The following ROBO2 variants were observed in gnomAD, a reference collection of about 807,000 sequenced individuals.
ROBO2 encodes the protein roundabout guidance receptor 2.
ROBO2 carries 53 observed loss-of-function variants against 160.8 expected under a neutral mutation model. That is an observed-to-expected ratio of 0.33 (90% CI 0.26 to 0.41). ROBO2 has a LOEUF of 0.41. Ranked by LOEUF, ROBO2 falls within the 10% of genes least tolerant of loss-of-function variation. The pLI, the probability that ROBO2 is intolerant of heterozygous loss-of-function variation, is 1.00. For missense variants in ROBO2, 1,577 were observed against 1,722.4 expected, an observed-to-expected ratio of 0.92 and a Z score of 1.49; for synonymous variants, 664 against 611.7, an observed-to-expected ratio of 1.09 and a Z score of -1.26.
At chr3:77,277,172 C>A (rs926171204) in intron 2 of ROBO2, among the ~76,000 whole-genome samples, 4 of 96,790 alleles carry the variant, frequency 4.1e-5, no homozygotes, top group Non-Finnish European at 8.2e-5. Flanking sequence ...TTCTTTCTTT[C>A]TTTCTTTCTT....
intron 2 of ROBO2, among the ~76,000 whole-genome samples, chr3:77,387,675 A>G (rs1431823250): frequency 3.9e-5 from 6 of 152,170 alleles, no homozygotes; most frequent in Non-Finnish European, 8.8e-5. Flanking sequence ...GAGTCGTACA[A>G]GAATCCGCCT....
intron 2 of ROBO2, among the ~76,000 whole-genome samples, chr3:77,274,280 A>T (rs2059685721): frequency 6.6e-6 from 1 of 152,164 alleles, no homozygotes; most frequent in African/African-American, 2.4e-5. Flanking sequence ...ATTGTCTAAG[A>T]AGCACTAAAG....
chr3:77,148,587 CAATA>C (rs1054403472), intron 2 of ROBO2, among the ~76,000 whole-genome samples: 1 of 152,154 alleles, frequency 6.6e-6, no homozygotes, highest in African/African-American at 2.4e-5. Context: ...ATCAATACAG[CAATA>C]AATGAGGACA....
chr3:75,911,424 T>G (rs1946575245), intron 1 of ROBO2, among the ~76,000 whole-genome samples: 1 of 152,290 alleles, frequency 6.6e-6, no homozygotes, highest in South Asian at 2.1e-4. Context: ...TTGTTAATGA[T>G]TTGCTTCTTA....
At chr3:77,044,250 C>T (rs148155709) in intron 1 of ROBO2, among the ~76,000 whole-genome samples, 6 of 151,786 alleles carry the variant, frequency 4.0e-5, no homozygotes, top group South Asian at 4.2e-4. Context: ...GCATGTTTGA[C>T]GATAAAAATA....
intron 2 of ROBO2, among the ~76,000 whole-genome samples, chr3:76,875,029 G>T (rs535318154): frequency 6.6e-6 from 1 of 152,162 alleles, no homozygotes; most frequent in Non-Finnish European, 1.5e-5. Context: ...GAAACTAATG[G>T]CCAAAAGAGG....
At chr3:76,681,129 A>G (rs1156938906) in intron 2 of ROBO2, among the ~76,000 whole-genome samples, 1 of 152,190 alleles carries the variant, frequency 6.6e-6, no homozygotes, top group Non-Finnish European at 1.5e-5. Context: ...TCTGCCAGTG[A>G]GCATATGAAT....
intron 1 of ROBO2, among the ~76,000 whole-genome samples, chr3:77,049,290 A>G (rs1227723213): frequency 6.6e-6 from 1 of 152,142 alleles, no homozygotes; most frequent in Non-Finnish European, 1.5e-5. Flanking sequence ...TGATTACACC[A>G]CTGCACTTTT....
chr3:76,972,921 T>C (rs1038112101), intron 2 of ROBO2, among the ~76,000 whole-genome samples: 1 of 152,100 alleles, frequency 6.6e-6, no homozygotes, highest in African/African-American at 2.4e-5. Flanking sequence ...ACTTAGAAAA[T>C]AGCATTATCA....
chr3:76,497,147 C>T (rs1031905617), intron 2 of ROBO2, among the ~76,000 whole-genome samples: 3 of 152,126 alleles, frequency 2.0e-5, no homozygotes, highest in Admixed American at 1.3e-4. Context: ...GGCCTTTGCA[C>T]GTATACTTTT....
intron 2 of ROBO2, among the ~76,000 whole-genome samples, chr3:77,320,799 ATTTT>A (rs1176036092): frequency 6.6e-6 from 1 of 152,134 alleles, no homozygotes; most frequent in African/African-American, 2.4e-5. Flanking sequence ...AAAAAAATAT[ATTTT>A]TTGTTATCTC....
At chr3:76,078,398 C>T (rs1453667480) in intron 2 of ROBO2, among the ~76,000 whole-genome samples, 2 of 152,014 alleles carry the variant, frequency 1.3e-5, no homozygotes, top group East Asian at 3.9e-4. Context: ...GGGTCTTGTC[C>T]TGTCATCCCC....
intron 24 of ROBO2, among the ~76,000 whole-genome samples, chr3:77,640,511 T>C (rs1297531687): frequency 6.6e-6 from 1 of 152,124 alleles, no homozygotes; most frequent in Admixed American, 6.5e-5. Context: ...GTAGCTCTGG[T>C]TACATGAGTC....
chr3:77,226,162 A>C (rs1395149184), intron 2 of ROBO2, among the ~76,000 whole-genome samples: 4 of 152,080 alleles, frequency 2.6e-5, no homozygotes, highest in Admixed American at 2.6e-4. Context: ...TAAGTTAAGC[A>C]AACAACAAGT....
intron 2 of ROBO2, among the ~76,000 whole-genome samples, chr3:77,336,050 C>T (rs1346226984): frequency 6.6e-6 from 1 of 152,142 alleles, no homozygotes; most frequent in Non-Finnish European, 1.5e-5. Flanking sequence ...GTTCCAGTAA[C>T]TCTGTCTGAG....
intron 2 of ROBO2, among the ~76,000 whole-genome samples, chr3:76,677,308 C>T (rs916077327): frequency 4.0e-5 from 6 of 151,898 alleles, no homozygotes; most frequent in Non-Finnish European, 5.9e-5. Context: ...GAGGGGAAGC[C>T]GCAGAAAACA....
intron 2 of ROBO2, among the ~76,000 whole-genome samples, chr3:76,231,065 T>G (rs1449771142): frequency 2.0e-5 from 3 of 152,148 alleles, no homozygotes; most frequent in Admixed American, 2.0e-4. Flanking sequence ...AACCTCCTAC[T>G]TTCAGACTTA....
At chr3:77,283,637 T>C (rs1452508455) in intron 2 of ROBO2, among the ~76,000 whole-genome samples, 1 of 152,158 alleles carries the variant, frequency 6.6e-6, no homozygotes. Flanking sequence ...ACTGGTTTCC[T>C]TTAGTAACTC....
At chr3:76,915,543 G>A (rs2148956221) in intron 2 of ROBO2, among the ~76,000 whole-genome samples, 1 of 151,730 alleles carries the variant, frequency 6.6e-6, no homozygotes, top group South Asian at 2.1e-4. Flanking sequence ...GGTGGTGAGT[G>A]CCTGTAACCC....
Sources: gnomAD v4.1 joint callset for allele counts (sites outside exome capture counted in the v4.1 genomes callset) on GRCh38, gnomAD v4.1.1 for gene constraint, MANE v1.5 for transcripts, NCBI Gene and HGNC (gene_info 2026-07-23, HGNC 2026-07-21) for gene names.